Variants in CMSS1 observed in about 807,000 individuals in gnomAD.
CMSS1 encodes the protein cms1 ribosomal small subunit homolog.
A neutral mutation model predicts 43.5 loss-of-function variants in CMSS1; 33 were observed. That is an observed-to-expected ratio of 0.76 (90% CI 0.57 to 1.01). The LOEUF is 1.01. Ranked by LOEUF, CMSS1 falls within the 50% of genes least tolerant of loss-of-function variation. CMSS1 has a pLI of 0.00. For missense variants in CMSS1, 313 were observed against 326.4 expected (o/e 0.96, Z 0.32); for synonymous variants, 115 against 117.2 (o/e 0.98, Z 0.12).
intron 1 of CMSS1, among the ~76,000 whole-genome samples, chr3:99,892,613 C>CAT (rs1401817738): frequency 6.6e-6 from 1 of 152,162 alleles, no homozygotes; most frequent in East Asian, 1.9e-4. Flanking sequence ...TAGTTCCAGG[C>CAT]ATCTCATCCA....
chr3:100,000,930 T>G, intron 1 of CMSS1, among the ~76,000 whole-genome samples: 1 of 152,334 alleles, frequency 6.6e-6, no homozygotes, highest in South Asian at 2.1e-4. Context: ...GCAAGACACT[T>G]GTAAGAGTAG....
chr3:100,095,899 A>T (rs993780639), intron 1 of CMSS1, among the ~76,000 whole-genome samples: 21 of 152,214 alleles, frequency 1.4e-4, no homozygotes, highest in African/African-American at 4.8e-4. Flanking sequence ...ACTGCAGTAT[A>T]TAAGGAGCTC....
chr3:99,919,457 A>C, intron 1 of CMSS1, among the ~76,000 whole-genome samples: 1 of 149,978 alleles, frequency 6.7e-6, no homozygotes, highest in South Asian at 2.2e-4. Flanking sequence ...TATATATTTA[A>C]TCAATTATTG....
At chr3:100,054,216 C>T (rs2065422333) in intron 1 of CMSS1, among the ~76,000 whole-genome samples, 1 of 152,136 alleles carries the variant, frequency 6.6e-6, no homozygotes, top group African/African-American at 2.4e-5. Flanking sequence ...ACAAACTAAC[C>T]GAGACATCAC....
intron 1 of CMSS1, among the ~76,000 whole-genome samples, chr3:99,838,233 A>G (rs1286332003): frequency 6.6e-6 from 1 of 152,170 alleles, no homozygotes; most frequent in East Asian, 1.9e-4. Context: ...CACATCTCCT[A>G]TCCCAGGTCA....
chr3:99,943,547 T>A (rs1217593382), intron 1 of CMSS1, among the ~76,000 whole-genome samples: 3 of 151,876 alleles, frequency 2.0e-5, no homozygotes, highest in African/African-American at 7.3e-5. Flanking sequence ...CTACTAAAAT[T>A]ACAAAAATTA....
At chr3:100,141,419 A>C (rs2066803581) in intron 1 of CMSS1, 1 of 345,338 alleles carries the variant, frequency 2.9e-6, no homozygotes, top group African/African-American at 2.2e-5. Context: ...TGGCAGGAGA[A>C]TTCTGAGTGG....
At chr3:99,965,404 G>A (rs1010522122) in intron 1 of CMSS1, among the ~76,000 whole-genome samples, 4 of 152,172 alleles carry the variant, frequency 2.6e-5, no homozygotes, top group Admixed American at 6.5e-5. Context: ...TGCTTCTGGC[G>A]TAGTGTACTC....
chr3:100,059,241 A>G (rs2065517926), intron 1 of CMSS1, among the ~76,000 whole-genome samples: 1 of 152,248 alleles, frequency 6.6e-6, no homozygotes, highest in Non-Finnish European at 1.5e-5. Flanking sequence ...TCCTTTAAAA[A>G]ATACAATGCC....
intron 1 of CMSS1, among the ~76,000 whole-genome samples, chr3:100,062,407 G>C (rs148431761): frequency 6.6e-6 from 1 of 151,860 alleles, no homozygotes; most frequent in Non-Finnish European, 1.5e-5. Flanking sequence ...CACCGCGCCC[G>C]GTCTATCCTG....
intron 1 of CMSS1, chr3:99,850,043 T>C: frequency 6.2e-7 from 1 of 1,610,918 alleles, no homozygotes; most frequent in Non-Finnish European, 8.5e-7. Context: ...TTGAGCGCCC[T>C]TTTAGTTTCC....
intron 1 of CMSS1, among the ~76,000 whole-genome samples, chr3:100,062,926 A>T (rs2065598903): frequency 6.6e-6 from 1 of 152,206 alleles, no homozygotes; most frequent in Non-Finnish European, 1.5e-5. Context: ...CAGCTTGCTT[A>T]ATCTCTCTGA....
chr3:99,844,301 CAG>C (rs1234119011), intron 1 of CMSS1, among the ~76,000 whole-genome samples: 4 of 152,178 alleles, frequency 2.6e-5, no homozygotes, highest in Admixed American at 1.3e-4. Flanking sequence ...AACTTAATAT[CAG>C]GGGATTCTCA....
chr3:100,167,833 C>A lies in CMSS1; in HGVS notation c.511C>A (p.Leu171Ile). The A allele has an allele frequency of 6.2e-7, 1 of 1,608,256 alleles. No homozygotes were observed. The highest frequency in any genetic ancestry group is 2.2e-5 in the East Asian group (1 of 44,782). Residue 171 changes from leucine to isoleucine, a missense_variant, in exon 6 of 10, where the codon CTC (leucine) becomes ATC (isoleucine). Coordinates refer to ENST00000421999, the MANE Select transcript of CMSS1 (RefSeq NM_032359.4). ...CAGCTCGGCCGTCCGAGCCCTGGAG[C>A]TCATTAGGTTGGAAGGTTCACCTAT... ...ICSSAVRALE[L>I]IRSMTAFRGD...
chr3:100,038,692 T>C (rs1432310009), intron 1 of CMSS1, among the ~76,000 whole-genome samples: 1 of 152,148 alleles, frequency 6.6e-6, no homozygotes, highest in African/African-American at 2.4e-5. Context: ...AAGGACACGA[T>C]CTCAGTCCAT....
At chr3:100,081,796 T>A (rs1275511152) in intron 1 of CMSS1, among the ~76,000 whole-genome samples, 1 of 152,224 alleles carries the variant, frequency 6.6e-6, no homozygotes, top group African/African-American at 2.4e-5. Context: ...AGGTTTCTCC[T>A]TCTGTTCTGG....
intron 1 of CMSS1, among the ~76,000 whole-genome samples, chr3:99,867,284 GCA>G (rs1944566095): frequency 6.6e-6 from 1 of 152,114 alleles, no homozygotes; most frequent in Admixed American, 6.5e-5. Flanking sequence ...TCTGTTTGTG[GCA>G]GTTAAAGAAA....
intron 1 of CMSS1, among the ~76,000 whole-genome samples, chr3:100,129,210 C>A (rs914732317): frequency 1.3e-5 from 2 of 152,212 alleles, no homozygotes; most frequent in Non-Finnish European, 2.9e-5. Flanking sequence ...AGAGTAAGAA[C>A]CACATCTTCT....
chr3:99,970,582 G>A (rs182947614), intron 1 of CMSS1, among the ~76,000 whole-genome samples: 14 of 152,232 alleles, frequency 9.2e-5, no homozygotes, highest in Admixed American at 8.5e-4. Context: ...TTTCCTTGTA[G>A]TTTACTAGTA....
Sources: gnomAD v4.1 joint callset for allele counts (sites outside exome capture counted in the v4.1 genomes callset) on GRCh38, gnomAD v4.1.1 for gene constraint, MANE v1.5 for transcripts, NCBI Gene and HGNC (gene_info 2026-07-23, HGNC 2026-07-21) for gene names.